The following DACH1 variants were observed in gnomAD, a reference collection of about 807,000 sequenced individuals.
DACH1 encodes the protein dachshund family transcription factor 1.
A neutral mutation model predicts 54.2 loss-of-function variants in DACH1; 12 were observed. The ratio of observed to expected loss-of-function variants is 0.22; its 90% confidence interval spans 0.14 to 0.36. The LOEUF (loss-of-function observed/expected upper bound fraction) is 0.36. Ranked by LOEUF, DACH1 falls within the 10% of genes least tolerant of loss-of-function variation. The pLI, the probability that DACH1 is intolerant of heterozygous loss-of-function variation, is 1.00. For synonymous variants in DACH1, 386 were observed against 366.2 expected (o/e 1.05, Z -0.62); for missense variants, 805 against 929.8 (o/e 0.87, Z 1.75).
intron 2 of DACH1, among the ~76,000 whole-genome samples, chr13:71,680,820 T>C (rs1880853609): frequency 6.6e-6 from 1 of 152,034 alleles, no homozygotes; most frequent in African/African-American, 2.4e-5. Flanking sequence ...CACCCAATTA[T>C]GACATATGAA....
intron 3 of DACH1, among the ~76,000 whole-genome samples, chr13:71,629,285 T>C (rs1876897804): frequency 6.6e-6 from 1 of 152,086 alleles, no homozygotes; most frequent in Non-Finnish European, 1.5e-5. Flanking sequence ...TCCTCTGCAG[T>C]TGTAGGGCCA....
Position 71,441,202 on chromosome 13 carries a change from A to G in DACH1, c.2084-510T>C, listed in dbSNP as rs113507047. On this transcript the variant is annotated intron_variant, in intron 10 of 10. Coordinates refer to ENST00000613252, the MANE Select transcript of DACH1 (RefSeq NM_080759.6). ...CCAGCTAGGTTATTTCATCACTGTCAATGAACTATAGCCTTTACCCCTTGA... is the reference window on the plus strand; with the variant it reads ...CCAGCTAGGTTATTTCATCACTGTCGATGAACTATAGCCTTTACCCCTTGA... Among the ~76,000 whole-genome samples, 573 of 152,166 alleles carry G rather than the reference A, an allele frequency of 3.8e-3. 1 individual carries two copies. The highest frequency in any genetic ancestry group is 5.9e-3 in the Non-Finnish European group (400 of 67,922).
chr13:71,570,998 A>G (rs1482922327), intron 4 of DACH1, among the ~76,000 whole-genome samples: 2 of 152,208 alleles, frequency 1.3e-5, no homozygotes, highest in African/African-American at 4.8e-5. Context: ...TGATGCAGGA[A>G]TATGTAAGCC....
intron 10 of DACH1, among the ~76,000 whole-genome samples, chr13:71,450,307 T>G (rs549143502): frequency 6.6e-6 from 1 of 152,224 alleles, no homozygotes; most frequent in East Asian, 1.9e-4. Context: ...TATTTTCAAC[T>G]TTTTCATTAT....
At chr13:71,694,552 C>A (rs1364809042) in intron 1 of DACH1, among the ~76,000 whole-genome samples, 4 of 152,036 alleles carry the variant, frequency 2.6e-5, no homozygotes, top group African/African-American at 7.3e-5. Flanking sequence ...TAATAAATGA[C>A]CTTTTAATAC....
chr13:71,743,206 T>A (rs1190237555), intron 1 of DACH1, among the ~76,000 whole-genome samples: 3 of 152,074 alleles, frequency 2.0e-5, no homozygotes, highest in Non-Finnish European at 4.4e-5. Flanking sequence ...GAAGGACAGA[T>A]CACTAAAGGG....
intron 1 of DACH1, among the ~76,000 whole-genome samples, chr13:71,756,390 T>C (rs1370206296): frequency 1.3e-5 from 2 of 152,034 alleles, no homozygotes; most frequent in African/African-American, 4.8e-5. Flanking sequence ...AGGAATTCAT[T>C]TTTATTTCCT....
At chr13:71,673,937 C>T (rs987366455) in intron 2 of DACH1, among the ~76,000 whole-genome samples, 4 of 151,520 alleles carry the variant, frequency 2.6e-5, no homozygotes, top group African/African-American at 7.3e-5. Context: ...TTCCATTAGG[C>T]TCTACACGCT....
chr13:71,671,789 T>C (rs776679064), intron 2 of DACH1, among the ~76,000 whole-genome samples: 1 of 152,172 alleles, frequency 6.6e-6, no homozygotes, highest in Non-Finnish European at 1.5e-5. Flanking sequence ...TGAACATTTC[T>C]GTCAGAAGGA....
At chr13:71,531,436 A>C in intron 6 of DACH1, among the ~76,000 whole-genome samples, 1 of 152,056 alleles carries the variant, frequency 6.6e-6, no homozygotes, top group East Asian at 1.9e-4. Flanking sequence ...GAAAAACTCA[A>C]ATGGCAAATC....
chr13:71,519,908 T>TATATATATATATATATATATATATATA (rs1566312779), intron 6 of DACH1, among the ~76,000 whole-genome samples: 6 of 135,708 alleles, frequency 4.4e-5, no homozygotes, highest in Non-Finnish European at 8.1e-5. Context: ...TATATATATA[T>TATATATATATATATATATATATATATA]CCTAACTAAC....
At chr13:71,786,989 T>TGA (rs1886620013) in intron 1 of DACH1, among the ~76,000 whole-genome samples, 1 of 152,080 alleles carries the variant, frequency 6.6e-6, no homozygotes, top group African/African-American at 2.4e-5. Context: ...CCAGCCACTG[T>TGA]GAGAGAGAGA....
intron 1 of DACH1, among the ~76,000 whole-genome samples, chr13:71,769,970 T>C (rs1037305999): frequency 1.3e-5 from 2 of 151,726 alleles, no homozygotes; most frequent in Non-Finnish European, 3.0e-5. Flanking sequence ...CATTATGCTT[T>C]GGGATTCTCA....
At chr13:71,451,494 T>C (rs1159892318) in intron 10 of DACH1, among the ~76,000 whole-genome samples, 2 of 152,226 alleles carry the variant, frequency 1.3e-5, no homozygotes, top group Non-Finnish European at 2.9e-5. Context: ...ATGGATGTTA[T>C]GTGGCTCTAG....
In DACH1 at chr13:71,570,677, C is replaced by T. The variant is rs186746707; in HGVS notation, c.1299+2163G>A. 6.7e-3 allele frequency among the ~76,000 whole-genome samples: 1,019 copies of T among 152,194 alleles called. 58 individuals carry two copies. The highest frequency in any genetic ancestry group is 0.062 in the Admixed American group (943 of 15,260). Reference sequence around the variant, plus strand: ...TATCTTAAAACATAAAACGACCTCACTTTCTTCTCTTTTTGTGTATTTTCT... The same window carrying T: ...TATCTTAAAACATAAAACGACCTCATTTTCTTCTCTTTTTGTGTATTTTCT... On this transcript the variant is annotated intron_variant, in intron 4 of 10. Coordinates refer to ENST00000613252, the MANE Select transcript of DACH1 (RefSeq NM_080759.6).
At chr13:71,493,050 T>C (rs1193708771) in intron 6 of DACH1, among the ~76,000 whole-genome samples, 1 of 151,426 alleles carries the variant, frequency 6.6e-6, no homozygotes, top group South Asian at 2.1e-4. Context: ...TTTATGGGCA[T>C]GTAGTAAGCA....
chr13:71,840,093 C>G (rs182877775), intron 1 of DACH1, among the ~76,000 whole-genome samples: 1 of 151,924 alleles, frequency 6.6e-6, no homozygotes, highest in African/African-American at 2.4e-5. Context: ...ATTACAGGTG[C>G]GCACCACCAC....
Position 71,522,353 on chromosome 13 carries a change from C to G in DACH1, c.1571-33205G>C, listed in dbSNP as rs184721075. 5.9e-5 allele frequency among the ~76,000 whole-genome samples: 9 copies of G among 151,990 alleles called. No homozygotes were observed. In the East Asian group the frequency reaches 1.8e-3, roughly 30 times the overall value. On this transcript the variant is annotated intron_variant, in intron 6 of 10. Coordinates refer to ENST00000613252, the MANE Select transcript of DACH1 (RefSeq NM_080759.6). The stretch of plus-strand genomic sequence containing the variant: ...GGGTTGAGACTTGTGGATTATAAAT[C>G]AAAAAAACCTGAGGTTCTGCTGCAG...
intron 1 of DACH1, among the ~76,000 whole-genome samples, chr13:71,756,192 G>A (rs1014927477): frequency 1.3e-5 from 2 of 151,654 alleles, no homozygotes; most frequent in African/African-American, 4.8e-5. Context: ...CACCACACTC[G>A]GCTAATTTTT....
Sources: allele counts gnomAD v4.1 joint callset (sites outside exome capture counted in the v4.1 genomes callset), GRCh38; gene constraint gnomAD v4.1.1; transcripts MANE v1.5; gene names NCBI Gene and HGNC (gene_info 2026-07-23, HGNC 2026-07-21).